CAPZB: variants seen among roughly 807,000 people sequenced by gnomAD.
CAPZB encodes the protein capping actin protein of muscle Z-line subunit beta, also known as F-actin-capping protein subunit beta.
A neutral mutation model predicts 38.1 loss-of-function variants in CAPZB; 2 were observed. The ratio of observed to expected loss-of-function variants is 0.05; its 90% CI spans 0.02 to 0.17. CAPZB has a LOEUF of 0.17. Ranked by LOEUF, CAPZB falls within the 10% of genes least tolerant of loss-of-function variation. The pLI is 1.00. For synonymous variants in CAPZB, 107 were observed against 127.4 expected, an observed-to-expected ratio of 0.84 and a Z score of 1.08; for missense variants, 161 against 334.2, an observed-to-expected ratio of 0.48 and a Z score of 4.04.
At chr1:19,401,262 T>C (rs1364721862) in intron 2 of CAPZB, among the ~76,000 whole-genome samples, 4 of 150,608 alleles carry the variant, frequency 2.7e-5, no homozygotes, top group Non-Finnish European at 4.4e-5. Flanking sequence ...GGAGACTTGC[T>C]GAGTGGGCAA....
rs1295183679 is a variant in CAPZB at position 19,402,893 on chromosome 1, CA to C, written c.93+16767del. 3.0e-4 allele frequency among the ~76,000 whole-genome samples: 45 copies of C among 152,068 alleles called. No homozygotes were observed. In the East Asian group the frequency reaches 6.4e-3, roughly 22 times the overall value. ...TGAAACTCCATCTCTACTAAAAATA[CA>C]AAAAATTAGCTGGGGGTGGTGGCAG... On this transcript the variant is annotated intron_variant, in intron 2 of 8. Coordinates refer to ENST00000264202, the MANE Select transcript of CAPZB (RefSeq NM_004930.5).
At chr1:19,354,284 G>C (rs1479385524) in intron 6 of CAPZB, among the ~76,000 whole-genome samples, 2 of 152,150 alleles carry the variant, frequency 1.3e-5, no homozygotes, top group African/African-American at 4.8e-5. Flanking sequence ...ACTTCTCCCA[G>C]AACCCTTCGC....
At chr1:19,467,057 C>T (rs889435043) in intron 1 of CAPZB, among the ~76,000 whole-genome samples, 2 of 131,828 alleles carry the variant, frequency 1.5e-5, no homozygotes, top group Non-Finnish European at 3.5e-5. Context: ...TCACACCCAG[C>T]TTTTATTTAT....
At chr1:19,440,976 C>T (rs1017677083) in intron 1 of CAPZB, among the ~76,000 whole-genome samples, 1 of 152,100 alleles carries the variant, frequency 6.6e-6, no homozygotes, top group African/African-American at 2.4e-5. Context: ...AGGAGAATGG[C>T]GTGAACCCGG....
chr1:19,398,424 C>T (rs958520626), intron 2 of CAPZB, among the ~76,000 whole-genome samples: 3 of 152,198 alleles, frequency 2.0e-5, no homozygotes, highest in East Asian at 1.9e-4. Flanking sequence ...AAAATCCTCA[C>T]GATCACAAGC....
intron 1 of CAPZB, chr1:19,484,347 T>C (rs761474639): frequency 1.3e-5 from 20 of 1,564,520 alleles, no homozygotes; most frequent in East Asian, 4.8e-5. Flanking sequence ...ACAAGGGCGA[T>C]TGTGCGTTCA....
In CAPZB at chr1:19,344,387, T is replaced by C; in HGVS notation, c.702A>G (p.Gly234=). The change falls in exon 8 of 9, where the codon GGA becomes GGG. Residue 234 remains glycine, a synonymous_variant. Coordinates refer to ENST00000264202, the MANE Select transcript of CAPZB (RefSeq NM_004930.5). ...GCCCATTGACGATATCCTTTGTTTT[T>C]CCAAAGTAGATCTCGTTCAGCGTAC... ...IRSTLNEIYF[G]KTKDIVNGLR... is the part of the protein sequence containing the mutation. 6.2e-7 allele frequency: 1 copy of C among 1,614,090 alleles called. No individual in the cohort carries two copies. The highest frequency in any genetic ancestry group is 8.5e-7 in the Non-Finnish European group (1 of 1,179,912).
intron 1 of CAPZB, among the ~76,000 whole-genome samples, chr1:19,454,338 A>G (rs1483263202): frequency 2.0e-5 from 3 of 152,332 alleles, no homozygotes; most frequent in East Asian, 3.9e-4. Flanking sequence ...CCAAAGAGCA[A>G]GTTTGTCCCA....
intron 4 of CAPZB, among the ~76,000 whole-genome samples, chr1:19,361,623 C>T (rs764013755): frequency 1.3e-5 from 2 of 152,202 alleles, no homozygotes; most frequent in Admixed American, 6.5e-5. Flanking sequence ...GACCACAACA[C>T]GTTTTTGAAA....
chr1:19,347,772 C>A (rs56386422), intron 6 of CAPZB, among the ~76,000 whole-genome samples: 29,062 of 152,048 alleles, frequency 0.19, 3,097 homozygotes, highest in Admixed American at 0.23. Context: ...TGGAGCCAGG[C>A]GGCAGCCACC....
intron 4 of CAPZB, among the ~76,000 whole-genome samples, chr1:19,370,406 G>C (rs2094113747): frequency 6.6e-6 from 1 of 152,180 alleles, no homozygotes; most frequent in Non-Finnish European, 1.5e-5. Context: ...GCTGGGGCTG[G>C]GGTCCTGAGA....
intron 1 of CAPZB, among the ~76,000 whole-genome samples, chr1:19,426,433 T>G (rs2094422797): frequency 6.9e-6 from 1 of 144,470 alleles, no homozygotes; most frequent in African/African-American, 2.7e-5. Flanking sequence ...TCCTCCCACT[T>G]GTGGTGGGGC....
intron 4 of CAPZB, among the ~76,000 whole-genome samples, chr1:19,363,608 AAAAAG>A (rs954680026): frequency 6.6e-6 from 1 of 152,224 alleles, no homozygotes; most frequent in African/African-American, 2.4e-5. Context: ...TCACAAAAGT[AAAAAG>A]AAAAGAAAAT....
intron 2 of CAPZB, among the ~76,000 whole-genome samples, chr1:19,385,963 C>A (rs1315535656): frequency 2.6e-5 from 4 of 152,196 alleles, no homozygotes; most frequent in African/African-American, 9.6e-5. Flanking sequence ...GGGCAAAGTA[C>A]AAGCTGAAGT....
In CAPZB at chr1:19,339,626, G is replaced by C; in HGVS notation, c.732-9C>G. Reference sequence around the variant, plus strand: ...CAAAAGTCTGCACAGACCTGCAAGGGAGGAAAGGCGTTATCAGCAGATTGA... The same window carrying C: ...CAAAAGTCTGCACAGACCTGCAAGGCAGGAAAGGCGTTATCAGCAGATTGA... On this transcript the variant is annotated splice_polypyrimidine_tract_variant and intron_variant, in intron 8 of 8. Coordinates refer to ENST00000264202, the MANE Select transcript of CAPZB (RefSeq NM_004930.5). 6.2e-7 allele frequency: 1 copy of C among 1,605,426 alleles called. No individual in the cohort carries two copies. The highest frequency in any genetic ancestry group is 8.5e-7 in the Non-Finnish European group (1 of 1,172,084).
chr1:19,411,624 C>T (rs2094357205), intron 2 of CAPZB, among the ~76,000 whole-genome samples: 1 of 152,144 alleles, frequency 6.6e-6, no homozygotes, highest in South Asian at 2.1e-4. Context: ...TTCATTCCAC[C>T]GTAATTGTCT....
At chr1:19,342,744 C>A in intron 8 of CAPZB, 1 of 1,580,880 alleles carries the variant, frequency 6.3e-7, no homozygotes, top group Non-Finnish European at 8.7e-7. Flanking sequence ...GGCTCTCAGG[C>A]AGGGTACCTG....
intron 8 of CAPZB, among the ~76,000 whole-genome samples, chr1:19,343,016 G>A (rs61766681): frequency 0.043 from 6,471 of 152,236 alleles, 176 homozygotes; most frequent in African/African-American, 0.062. Context: ...GAGTGGTATC[G>A]CCGCTGCAGA....
chr1:19,422,250 A>C (rs769858643), intron 1 of CAPZB, among the ~76,000 whole-genome samples: 16 of 152,246 alleles, frequency 1.1e-4, no homozygotes, highest in African/African-American at 1.7e-4. Flanking sequence ...ACTGACATCT[A>C]ATGGGTAGGG....
Sources: gnomAD v4.1 joint callset for allele counts (sites outside exome capture counted in the v4.1 genomes callset) on GRCh38, gnomAD v4.1.1 for gene constraint, MANE v1.5 for transcripts, NCBI Gene and HGNC (gene_info 2026-07-23, HGNC 2026-07-21) for gene names.